Variants in PIWIL1 observed in about 807,000 individuals in gnomAD.
PIWIL1 encodes the protein piwi like RNA-mediated gene silencing 1, also known as piwi-like protein 1.
A neutral mutation model predicts 114.4 loss-of-function variants in PIWIL1; 73 were observed. The observed-to-expected ratio is 0.64, with a 90% CI of 0.53 to 0.78. The LOEUF is 0.78. Ranked by LOEUF, PIWIL1 falls within the 30% of genes least tolerant of loss-of-function variation. The pLI is 0.00. For synonymous variants in PIWIL1, 375 were observed against 369.0 expected (o/e 1.02, Z -0.19); for missense variants, 723 against 1,063.1 (o/e 0.68, Z 4.45).
the PIWIL1 span, among the ~76,000 whole-genome samples, chr12:130,413,382 C>A: frequency 3.3e-5 from 5 of 152,258 alleles, no homozygotes; most frequent in East Asian, 1.9e-4. Flanking sequence ...GTAATCCCAG[C>A]ACTTTGGGAG....
At chr12:130,365,271 T>C (rs1467251768) in intron 18 of PIWIL1, among the ~76,000 whole-genome samples, 1 of 152,166 alleles carries the variant, frequency 6.6e-6, no homozygotes, top group Non-Finnish European at 1.5e-5. Flanking sequence ...TAAAAAGCAA[T>C]ATGTCTTAAA....
the PIWIL1 span, chr12:130,412,810 A>T: frequency 1.3e-5 from 21 of 1,600,200 alleles, no homozygotes; most frequent in Non-Finnish European, 1.6e-5. Context: ...GGGAAAATAA[A>T]TCAAGCACTG....
At chr12:130,385,546 C>T in the PIWIL1 span, among the ~76,000 whole-genome samples, 6 of 152,118 alleles carry the variant, frequency 3.9e-5, no homozygotes, top group South Asian at 1.2e-3. Flanking sequence ...GCAGTTTAAC[C>T]TGTTTTCCTG....
At chr12:130,349,718 C>T (rs1329189795) in intron 8 of PIWIL1, 138 bp from the exon 9 acceptor site, 2 of 604,282 alleles carry the variant, frequency 3.3e-6, no homozygotes, top group East Asian at 5.6e-5. Context: ...CTGTAAGAAA[C>T]CCTGTTCCTT....
At chr12:130,363,194 G>A (rs1169998373) in intron 18 of PIWIL1, 50 bp downstream of exon 18, 3 of 1,548,926 alleles carry the variant, frequency 1.9e-6, no homozygotes, top group Non-Finnish European at 2.7e-6. Flanking sequence ...CTGCACCTTT[G>A]TATCTTTGAA....
the PIWIL1 span, among the ~76,000 whole-genome samples, chr12:130,417,045 C>A: frequency 6.6e-5 from 10 of 152,172 alleles, no homozygotes; most frequent in East Asian, 1.9e-3. Flanking sequence ...AATGAGATAC[C>A]ATCTCACACC....
downstream of PIWIL1, among the ~76,000 whole-genome samples, chr12:130,373,437 G>A (rs1409380861): frequency 1.3e-5 from 2 of 152,164 alleles, no homozygotes; most frequent in Non-Finnish European, 2.9e-5. Context: ...TGGAAAAGTT[G>A]CAGGTGTCCA....
At chr12:130,344,915 C>G (rs2073030630) in intron 3 of PIWIL1, among the ~76,000 whole-genome samples, 1 of 152,114 alleles carries the variant, frequency 6.6e-6, no homozygotes, top group Non-Finnish European at 1.5e-5. Context: ...GTATATTACT[C>G]CAAAAATAGA....
chr12:130,376,319 T>G (rs1235451337), downstream of PIWIL1, among the ~76,000 whole-genome samples: 1 of 152,252 alleles, frequency 6.6e-6, no homozygotes, highest in African/African-American at 2.4e-5. Flanking sequence ...GTGCCCATAT[T>G]CCATTGTCAG....
chr12:130,380,928 G>A, the PIWIL1 span, among the ~76,000 whole-genome samples: 1 of 152,176 alleles, frequency 6.6e-6, no homozygotes, highest in African/African-American at 2.4e-5. Context: ...AGTCCAATGA[G>A]TCTTCTTTTT....
chr12:130,409,283 C>T, the PIWIL1 span, among the ~76,000 whole-genome samples: 1 of 151,126 alleles, frequency 6.6e-6, no homozygotes, highest in Admixed American at 6.6e-5. Flanking sequence ...CTGTCCCAGA[C>T]CTTGACCCTT....
At chr12:130,340,696 G>C (rs2072896187) in intron 1 of PIWIL1, among the ~76,000 whole-genome samples, 2 of 151,608 alleles carry the variant, frequency 1.3e-5, no homozygotes, top group South Asian at 4.2e-4. Flanking sequence ...GCTGCTGCTG[G>C]GGACGCTGCC....
chr12:130,347,368 A>G (rs998929429), intron 6 of PIWIL1, among the ~76,000 whole-genome samples: 3 of 152,184 alleles, frequency 2.0e-5, no homozygotes, highest in African/African-American at 7.2e-5. Context: ...TGGGTCCTTG[A>G]TCAGGAGGAG....
intron 18 of PIWIL1, 133 bp downstream of exon 18, chr12:130,363,277 G>C (rs2073564723): frequency 1.3e-5 from 11 of 871,252 alleles, no homozygotes; most frequent in Non-Finnish European, 1.8e-5. Context: ...GAGGTGATGG[G>C]AAGGGCAGAG....
chr12:130,347,946 C>G (rs185002591), intron 6 of PIWIL1, among the ~76,000 whole-genome samples, 157 bp from the exon 7 acceptor site: 1 of 152,136 alleles, frequency 6.6e-6, no homozygotes, highest in African/African-American at 2.4e-5. Flanking sequence ...ATTTGAAAAC[C>G]GTTGGTAACT....
the PIWIL1 span, chr12:130,425,126 C>G: frequency 2.9e-6 from 1 of 345,658 alleles, no homozygotes; most frequent in African/African-American, 2.1e-5. Context: ...TGCATCCAGC[C>G]AAGGAGAGGG....
chr12:130,354,760 C>A lies in PIWIL1; in HGVS notation c.1171+97C>A, dbSNP rs922921274. The stretch of plus-strand genomic sequence containing the variant: ...ATTCCTTTACTTCCCCTTCCCTCCC[C>A]CCAGAAAACCTTTTATTAAAACTGC... On this transcript the variant is annotated intron_variant, in intron 10 of 20. Coordinates refer to ENST00000245255, the MANE Select transcript of PIWIL1 (RefSeq NM_004764.5). The A allele has an allele frequency of 1.0e-5, 15 of 1,482,772 alleles. No individual in the cohort carries two copies. In the African/African-American group the frequency reaches 1.4e-4, roughly 14 times the overall value. 91.9% of individuals were successfully genotyped at this position (1,482,772 alleles called of 1,614,324 possible).
chr12:130,354,450 T>C (rs1264267799), intron 9 of PIWIL1, 87 bp from the exon 10 acceptor site: 2 of 1,556,064 alleles, frequency 1.3e-6, no homozygotes, highest in African/African-American at 2.8e-5. Flanking sequence ...AGCTCTTTAT[T>C]TTTTTAAAAA....
the PIWIL1 span, among the ~76,000 whole-genome samples, chr12:130,411,796 CT>C: frequency 2.6e-5 from 4 of 152,122 alleles, 1 homozygote. Context: ...TGGATTCTGT[CT>C]TGAAACAATG....
Sources: gnomAD v4.1 joint callset for allele counts (sites outside exome capture counted in the v4.1 genomes callset) on GRCh38, gnomAD v4.1.1 for gene constraint, MANE v1.5 for transcripts, NCBI Gene and HGNC (gene_info 2026-07-23, HGNC 2026-07-21) for gene names.